The following MPDZ variants were observed in gnomAD, a reference collection of about 807,000 sequenced individuals.
MPDZ encodes the protein multiple PDZ domain crumbs cell polarity complex component.
MPDZ carries 234 observed loss-of-function variants against 239.1 expected under a neutral mutation model. The ratio of observed to expected loss-of-function variants is 0.98; its 90% CI spans 0.88 to 1.09. MPDZ has a LOEUF of 1.09. Among genes scored for constraint, MPDZ ranks in the 50% least tolerant of loss-of-function variants. The pLI is 0.00. For missense variants in MPDZ, 3,175 were observed against 2,510.0 expected (o/e 1.26, Z -5.66); for synonymous variants, 1,048 against 881.3 (o/e 1.19, Z -3.35).
rs773871066 is a variant in MPDZ at position 13,259,523 on chromosome 9, G to T, written c.-57-9151C>A. ...CACGTACAAGTGAATGAAAGGAAAA[G>T]AAATGAACAATTAAAATACAAGAAC... is the stretch of plus-strand genomic sequence containing the variant. On this transcript the variant is annotated intron_variant, in intron 1 of 46. Transcript: ENST00000319217. 5.9e-5 allele frequency among the ~76,000 whole-genome samples: 9 copies of T among 152,080 alleles called. No homozygotes were observed. In the East Asian group the frequency reaches 7.7e-4, roughly 13 times the overall value.
chr9:13,163,981 G>T (rs1950761257), intron 22 of MPDZ, among the ~76,000 whole-genome samples: 1 of 152,102 alleles, frequency 6.6e-6, no homozygotes, highest in Non-Finnish European at 1.5e-5. Flanking sequence ...AGTGTCATGG[G>T]GTAAATCACC....
chr9:13,112,900 C>T, intron 42 of MPDZ, 111 bp downstream of exon 42: 1 of 1,048,794 alleles, frequency 9.5e-7, no homozygotes, highest in Non-Finnish European at 1.4e-6. Context: ...TGTAAGAATA[C>T]ATACTTTTTG....
intron 1 of MPDZ, among the ~76,000 whole-genome samples, chr9:13,251,781 C>T (rs958812043): frequency 6.6e-6 from 1 of 152,160 alleles, no homozygotes; most frequent in African/African-American, 2.4e-5. Flanking sequence ...TTTGCCTTAT[C>T]CCAATGTAGA....
chr9:13,191,893 C>A (rs974675634), intron 15 of MPDZ, among the ~76,000 whole-genome samples: 1 of 152,064 alleles, frequency 6.6e-6, no homozygotes, highest in Non-Finnish European at 1.5e-5. Flanking sequence ...AGCATCATGA[C>A]TTACATTTTA....
At chr9:13,146,955 TA>T (rs1948513420) in intron 26 of MPDZ, among the ~76,000 whole-genome samples, 1 of 152,038 alleles carries the variant, frequency 6.6e-6, no homozygotes, top group African/African-American at 2.4e-5. Context: ...AACGGGTTGG[TA>T]GGTTTCTGTC....
At position 13,223,595 on chromosome 9, in the gene MPDZ, A is replaced by G; in HGVS notation, c.509T>C (p.Ile170Thr). ...CCTATGGGCCACACTGCCCTCTTGT[A>G]TCTCTTGAACAAATATTCCCAGCTC... ...RGELGIFVQE[I>T]QEGSVAHRDG... The change falls in exon 5 of 47, where the codon ATA becomes ACA. Residue 170 changes from isoleucine to threonine, a missense_variant. Coordinates refer to ENST00000319217, the MANE Select transcript of MPDZ (RefSeq NM_001378778.1). 1 of 1,612,230 alleles carries G rather than the reference A, an allele frequency of 6.2e-7. No individual in the cohort carries two copies. Among genetic ancestry groups the G allele is most frequent in the Non-Finnish European group, 8.5e-7 (1 of 1,178,808 alleles).
chr9:13,231,559 AAAT>A (rs1226695836), intron 3 of MPDZ, among the ~76,000 whole-genome samples: 2 of 152,050 alleles, frequency 1.3e-5, no homozygotes, highest in Non-Finnish European at 2.9e-5. Flanking sequence ...CTATTTAAAA[AAAT>A]AATAATAATA....
intron 31 of MPDZ, 67 bp from the exon 32 acceptor site, chr9:13,133,971 A>G: frequency 1.4e-6 from 1 of 729,046 alleles, no homozygotes. Context: ...GTTTAAATAT[A>G]AAGGCCACTT....
chr9:13,133,115 T>C (rs578230066), intron 32 of MPDZ, among the ~76,000 whole-genome samples: 1 of 152,256 alleles, frequency 6.6e-6, no homozygotes, highest in South Asian at 2.1e-4. Flanking sequence ...TAACAAATTA[T>C]AGGGAAATGA....
At position 13,176,432 on chromosome 9, in the gene MPDZ, A is replaced by G; in HGVS notation, c.2650-15T>C. ...TCAATAACATCCTGGTAGTTAAAAA[A>G]CAACAACAACAAAACATGAAAAATG... On this transcript the variant is annotated splice_polypyrimidine_tract_variant and intron_variant, in intron 19 of 46. Coordinates refer to ENST00000319217, the MANE Select transcript of MPDZ (RefSeq NM_001378778.1). The G allele has an allele frequency of 2.0e-6, 3 of 1,514,182 alleles. No individual in the cohort carries two copies. In the South Asian group the frequency reaches 4.1e-5, roughly 21 times the overall value. The allele number at this position is 1,514,182 out of a possible 1,614,324, so 93.8% of individuals were successfully genotyped here.
At chr9:13,215,438 GATATAT>G (rs55720256) in intron 10 of MPDZ, among the ~76,000 whole-genome samples, 1 of 146,824 alleles carries the variant, frequency 6.8e-6, no homozygotes, top group Admixed American at 6.8e-5. Context: ...GTGTATATAT[GATATAT>G]ATATATATAT....
chr9:13,209,617 C>T (rs147790825), intron 10 of MPDZ, among the ~76,000 whole-genome samples: 8 of 152,208 alleles, frequency 5.3e-5, no homozygotes, highest in African/African-American at 1.9e-4. Context: ...CACTGAAGAT[C>T]GGTGCATGTA....
At chr9:13,184,645 T>C (rs1468819029) in intron 18 of MPDZ, among the ~76,000 whole-genome samples, 2 of 151,912 alleles carry the variant, frequency 1.3e-5, no homozygotes, top group Non-Finnish European at 2.9e-5. Flanking sequence ...ATACATAACA[T>C]ACAACAATCT....
At chr9:13,258,628 G>C (rs946323345) in intron 1 of MPDZ, among the ~76,000 whole-genome samples, 4 of 152,094 alleles carry the variant, frequency 2.6e-5, no homozygotes, top group African/African-American at 9.7e-5. Context: ...AGCTCTAAAA[G>C]TATAGAAATG....
At chr9:13,116,036 G>A (rs183455378) in intron 39 of MPDZ, among the ~76,000 whole-genome samples, 1 of 151,248 alleles carries the variant, frequency 6.6e-6, no homozygotes, top group East Asian at 1.9e-4. Context: ...CAGTGGAAGA[G>A]GTACTTAGAT....
chr9:13,241,469 A>C (rs951122353), intron 3 of MPDZ, among the ~76,000 whole-genome samples: 3 of 152,196 alleles, frequency 2.0e-5, no homozygotes, highest in Non-Finnish European at 2.9e-5. Flanking sequence ...TCATAACTTA[A>C]CCTAGACATT....
intron 10 of MPDZ, among the ~76,000 whole-genome samples, chr9:13,213,454 A>C (rs986543759): frequency 2.6e-5 from 4 of 152,140 alleles, no homozygotes; most frequent in Non-Finnish European, 5.9e-5. Context: ...GTCAAAACAA[A>C]AATCGAACAA....
At chr9:13,165,635 T>A in intron 22 of MPDZ, 1 of 437,498 alleles carries the variant, frequency 2.3e-6, no homozygotes. Flanking sequence ...AAAATGTAAC[T>A]GCAATCAGTC....
chr9:13,169,508 C>T (rs1951514744), intron 21 of MPDZ, among the ~76,000 whole-genome samples: 3 of 152,012 alleles, frequency 2.0e-5, no homozygotes, highest in Admixed American at 1.3e-4. Flanking sequence ...ATCCATTTAC[C>T]TTTTTCCATT....
Sources: gnomAD v4.1 joint callset for allele counts (sites outside exome capture counted in the v4.1 genomes callset) on GRCh38, gnomAD v4.1.1 for gene constraint, MANE v1.5 for transcripts, NCBI Gene and HGNC (gene_info 2026-07-23, HGNC 2026-07-21) for gene names.